The following SORCS2 variants were observed in gnomAD, a reference collection of about 807,000 sequenced individuals.
SORCS2 encodes VPS10 domain-containing receptor SorCS2.
In SORCS2, 100 loss-of-function variants were observed where a neutral mutation model predicts 141.6. That is an observed-to-expected ratio of 0.71 (90% CI 0.60 to 0.83). The LOEUF is 0.83. Among genes scored for constraint, SORCS2 ranks in the 40% least tolerant of loss-of-function variants. SORCS2 has a pLI of 0.00. For synonymous variants in SORCS2, 789 were observed against 676.9 expected, an observed-to-expected ratio of 1.17 and a Z score of -2.57; for missense variants, 1,646 against 1,560.2, an observed-to-expected ratio of 1.05 and a Z score of -0.93.
intron 1 of SORCS2, among the ~76,000 whole-genome samples, chr4:7,234,892 A>G (rs1278409252): frequency 6.6e-6 from 1 of 152,262 alleles, no homozygotes; most frequent in Non-Finnish European, 1.5e-5. Flanking sequence ...AGGGGCAGGC[A>G]GTGCTGGGGC....
intron 13 of SORCS2, among the ~76,000 whole-genome samples, chr4:7,703,763 G>C (rs1577094431): frequency 6.6e-6 from 1 of 152,330 alleles, no homozygotes; most frequent in Middle Eastern, 3.4e-3. Flanking sequence ...GGGAGGGCAG[G>C]CGTGAACTCG....
intron 11 of SORCS2, among the ~76,000 whole-genome samples, chr4:7,695,562 GCA>G (rs1724582143): frequency 2.4e-4 from 1 of 4,244 alleles, no homozygotes; most frequent in African/African-American, 9.4e-4. Context: ...ATGGATGGAT[GCA>G]TGGATGGATG....
intron 1 of SORCS2, among the ~76,000 whole-genome samples, chr4:7,333,169 C>A (rs866069475): frequency 2.0e-5 from 3 of 152,198 alleles, no homozygotes; most frequent in Middle Eastern, 3.2e-3. Flanking sequence ...GACCCCACCC[C>A]ACTAGGGCAT....
At chr4:7,593,111 G>A (rs1717026397) in intron 3 of SORCS2, among the ~76,000 whole-genome samples, 1 of 152,122 alleles carries the variant, frequency 6.6e-6, no homozygotes, top group African/African-American at 2.4e-5. Context: ...AGGTTGCAGT[G>A]AGCCATGATC....
chr4:7,689,345 C>G (rs1724068835), intron 10 of SORCS2, 141 bp from the exon 11 acceptor site: 1 of 696,384 alleles, frequency 1.4e-6, no homozygotes, highest in African/African-American at 1.8e-5. Context: ...TGCTTCCCAT[C>G]CTCCATCCGT....
At chr4:7,231,153 C>T (rs1711852004) in intron 1 of SORCS2, among the ~76,000 whole-genome samples, 2 of 152,200 alleles carry the variant, frequency 1.3e-5, no homozygotes, top group Non-Finnish European at 2.9e-5. Context: ...AAGCCAATGT[C>T]CCAGTTTGAT....
At position 7,262,762 on chromosome 4, in the gene SORCS2, G is replaced by T. The variant is rs542579791; in HGVS notation, c.480+69636G>T. On this transcript the variant is annotated intron_variant, in intron 1 of 26. Transcript: ENST00000507866. ...TGACACGACCTCCACACAGCCCTCA[G>T]CAGGGACTCCCTTTCCATGCCTCCT... Among the ~76,000 whole-genome samples, 24 of 152,336 alleles carry T rather than the reference G, an allele frequency of 1.6e-4. No homozygotes were observed. The South Asian group carries it at 4.6e-3, about 29-fold the overall frequency.
At chr4:7,228,532 G>A (rs2108772032) in intron 1 of SORCS2, among the ~76,000 whole-genome samples, 1 of 152,312 alleles carries the variant, frequency 6.6e-6, no homozygotes, top group African/African-American at 2.4e-5. Context: ...TGAAGATGAA[G>A]GTGATCGTCC....
chr4:7,599,731 A>T (rs942148386), intron 3 of SORCS2, among the ~76,000 whole-genome samples: 8 of 152,048 alleles, frequency 5.3e-5, no homozygotes, highest in African/African-American at 1.9e-4. Flanking sequence ...TGAGAGGTGA[A>T]ATTGCAGGGC....
intron 1 of SORCS2, among the ~76,000 whole-genome samples, chr4:7,366,987 T>C (rs997228299): frequency 6.6e-6 from 1 of 152,194 alleles, no homozygotes; most frequent in Non-Finnish European, 1.5e-5. Flanking sequence ...TCTTATCAGA[T>C]GGATATAGGC....
chr4:7,394,751 C>T (rs1724096165), intron 1 of SORCS2, among the ~76,000 whole-genome samples: 1 of 152,098 alleles, frequency 6.6e-6, no homozygotes, highest in South Asian at 2.1e-4. Flanking sequence ...CGCCCCAAAC[C>T]CAGCAGTCTG....
At chr4:7,575,578 C>T (rs1033877061) in intron 3 of SORCS2, among the ~76,000 whole-genome samples, 8 of 152,154 alleles carry the variant, frequency 5.3e-5, no homozygotes, top group African/African-American at 7.2e-5. Context: ...ACTTAAGTTT[C>T]GCAATAACAG....
At chr4:7,278,450 G>A (rs1375700746) in intron 1 of SORCS2, among the ~76,000 whole-genome samples, 1 of 152,224 alleles carries the variant, frequency 6.6e-6, no homozygotes, top group Non-Finnish European at 1.5e-5. Flanking sequence ...TTGTTCATGA[G>A]GAAGGCAATT....
chr4:7,555,773 C>A (rs1224068863), intron 3 of SORCS2, among the ~76,000 whole-genome samples: 1 of 152,138 alleles, frequency 6.6e-6, no homozygotes, highest in Non-Finnish European at 1.5e-5. Context: ...GGCATTTGAG[C>A]CTAAACCTGA....
At chr4:7,604,999 T>C (rs930863729) in intron 3 of SORCS2, among the ~76,000 whole-genome samples, 3 of 152,202 alleles carry the variant, frequency 2.0e-5, no homozygotes. Context: ...CCACGAATAA[T>C]GTAAAATCTC....
chr4:7,394,124 C>A (rs1724048870), intron 1 of SORCS2, among the ~76,000 whole-genome samples: 1 of 152,014 alleles, frequency 6.6e-6, no homozygotes, highest in Admixed American at 6.5e-5. Flanking sequence ...ACGATTCTGT[C>A]CCCAAGACAG....
At chr4:7,394,625 A>T (rs1724087932) in intron 1 of SORCS2, among the ~76,000 whole-genome samples, 1 of 147,154 alleles carries the variant, frequency 6.8e-6, no homozygotes, top group African/African-American at 2.7e-5. Context: ...TCTCCCCTCG[A>T]GGGAGGGGGA....
chr4:7,222,882 A>G (rs1254011931), intron 1 of SORCS2, among the ~76,000 whole-genome samples: 3 of 151,902 alleles, frequency 2.0e-5, no homozygotes, highest in Non-Finnish European at 2.9e-5. Context: ...GAGGCTGGAA[A>G]CCATTCCTCT....
chr4:7,349,493 G>A (rs944273205), intron 1 of SORCS2, among the ~76,000 whole-genome samples: 3 of 152,104 alleles, frequency 2.0e-5, no homozygotes, highest in Non-Finnish European at 1.5e-5. Flanking sequence ...GGCCCAGGAG[G>A]TCACCGGGTC....
Sources: allele counts gnomAD v4.1 joint callset (sites outside exome capture counted in the v4.1 genomes callset), GRCh38; gene constraint gnomAD v4.1.1; transcripts MANE v1.5; gene names NCBI Gene and HGNC (gene_info 2026-07-23, HGNC 2026-07-21).